Variants in IL18R1 observed in about 807,000 individuals in gnomAD.
IL18R1 encodes interleukin-18 receptor 1.
Under a neutral mutation model 48.5 loss-of-function variants are expected in IL18R1, and 40 were observed. The observed-to-expected ratio is 0.82, with a 90% CI of 0.64 to 1.07. The LOEUF is 1.07. Ranked by LOEUF, IL18R1 falls within the 50% of genes least tolerant of loss-of-function variation. The pLI, the probability that IL18R1 is intolerant of heterozygous loss-of-function variation, is 0.00. For missense variants in IL18R1, 596 were observed against 633.7 expected, an observed-to-expected ratio of 0.94 and a Z score of 0.64; for synonymous variants, 232 against 225.9, an observed-to-expected ratio of 1.03 and a Z score of -0.24.
chr2:102,371,063 G>A (rs1177801945), intron 3 of IL18R1, among the ~76,000 whole-genome samples: 2 of 149,302 alleles, frequency 1.3e-5, no homozygotes, highest in Non-Finnish European at 3.0e-5. Flanking sequence ...TGTTGTTGTT[G>A]TTGTTTTTTT....
At chr2:102,372,208 T>C (rs754650932) in intron 4 of IL18R1, 90 bp downstream of exon 4, 3 of 1,081,746 alleles carry the variant, frequency 2.8e-6, no homozygotes, top group Non-Finnish European at 4.0e-6. Context: ...TCTGGTCTCA[T>C]AACAAATAAG....
chr2:102,389,048 G>A (rs1288523732), intron 8 of IL18R1, among the ~76,000 whole-genome samples: 1 of 151,868 alleles, frequency 6.6e-6, no homozygotes, highest in Admixed American at 6.6e-5. Flanking sequence ...AAATGTATAT[G>A]CATATACATA....
chr2:102,359,234 C>A (rs1678435893), intron 1 of IL18R1, among the ~76,000 whole-genome samples: 1 of 151,926 alleles, frequency 6.6e-6, no homozygotes, highest in South Asian at 2.1e-4. Context: ...ATCTTCATGT[C>A]AATCAAGAAA....
rs1680884549 is a variant in IL18R1, at chr2:102,397,492, C to T, written c.*606C>T. The T allele has an allele frequency of 6.6e-6, 1 of 152,320 alleles. No individual in the cohort carries two copies. The highest frequency in any genetic ancestry group is 2.4e-5 in the African/African-American group (1 of 41,412). 9.4% of individuals were successfully genotyped at this position (152,320 alleles called of 1,614,324 possible). ...ACGGTTCTTGAAAGCTCGGTAAGGC[C>T]CTGCAACGCAGAGCCTGCTTATGTG... On this transcript the variant is annotated 3_prime_UTR_variant, in exon 11 of 11. Coordinates refer to ENST00000233957, the MANE Select transcript of IL18R1 (RefSeq NM_003855.5).
In IL18R1 at chr2:102,396,860, G is replaced by A. The variant is rs1223088596; in HGVS notation, c.1600G>A (p.Val534Ile). 1 of 1,597,948 alleles carries A rather than the reference G, an allele frequency of 6.3e-7. No individual in the cohort carries two copies. Among genetic ancestry groups the A allele is most frequent in the Non-Finnish European group, 8.5e-7 (1 of 1,174,776 alleles). ...CAAGCCAGGTAGAGACGAACCGGAA[G>A]TCTTGCCTGTTCTTTCCGAGTCTTA... ...TVKPGRDEPE[V>I]LPVLSES The change falls in exon 11 of 11, where the codon GTC becomes ATC. Residue 534 changes from valine to isoleucine, a missense_variant. Val to Ile is a conservative substitution (Grantham distance 29). This residue lies in a region of IL18R1 where 179 missense variants were observed against 206.1 expected (regional missense o/e 0.87). Coordinates refer to ENST00000233957, the MANE Select transcript of IL18R1 (RefSeq NM_003855.5).
chr2:102,381,658 C>T lies in IL18R1; in HGVS notation c.664C>T (p.Leu222Phe). Reference sequence around the variant, plus strand: ...AGTTCCGGTTCTTCTTGGACCAAAGCTTAACCATGTTGCAGTGGAATTAGG... The same window carrying T: ...AGTTCCGGTTCTTCTTGGACCAAAGTTTAACCATGTTGCAGTGGAATTAGG... ...NIVPVLLGPK[L>F]NHVAVELGKN... is the part of the protein sequence containing the mutation. The change falls in exon 6 of 11, where the codon CTT (leucine) becomes TTT (phenylalanine). Residue 222 changes from leucine (L) to phenylalanine (F), a missense_variant. Physicochemically the swap from Leu to Phe is conservative, Grantham distance 22. Transcript: ENST00000233957. The T allele has an allele frequency of 6.2e-7, 1 of 1,612,750 alleles. No individual in the cohort carries two copies. Among genetic ancestry groups the T allele is most frequent in the Non-Finnish European group, 8.5e-7 (1 of 1,178,798 alleles).
At chr2:102,386,578 T>A (rs547924990) in intron 7 of IL18R1, among the ~76,000 whole-genome samples, 2 of 152,300 alleles carry the variant, frequency 1.3e-5, no homozygotes, top group African/African-American at 2.4e-5. Context: ...GAGAGAATAT[T>A]TTCTTATATT....
chr2:102,360,548 C>G (rs748150626), intron 1 of IL18R1, among the ~76,000 whole-genome samples: 5 of 152,178 alleles, frequency 3.3e-5, no homozygotes, highest in Non-Finnish European at 7.3e-5. Flanking sequence ...CAGGCATGAG[C>G]CACTGTGCCC....
At chr2:102,387,678 C>G (rs1158538470) in intron 8 of IL18R1, among the ~76,000 whole-genome samples, 3 of 152,160 alleles carry the variant, frequency 2.0e-5, no homozygotes, top group Non-Finnish European at 4.4e-5. Context: ...CATTCCCAGG[C>G]TCCACCATCA....
intron 10 of IL18R1, among the ~76,000 whole-genome samples, chr2:102,395,311 T>C (rs1289058750): frequency 6.6e-6 from 1 of 151,888 alleles, no homozygotes; most frequent in East Asian, 1.9e-4. Context: ...ACATTTAAAA[T>C]CTGGTGTCAA....
chr2:102,371,960 A>C lies in IL18R1; in HGVS notation c.310A>C (p.Thr104Pro). 1 of 1,526,816 alleles carries C rather than the reference A, an allele frequency of 6.5e-7. No homozygotes were observed. Among genetic ancestry groups the C allele is most frequent in the Non-Finnish European group, 8.9e-7 (1 of 1,119,244 alleles). 94.6% of individuals were successfully genotyped at this position (1,526,816 alleles called of 1,614,324 possible). Reference protein sequence around the residue: ...GSYFFQMKNYTQKWKLNVIRR... With the variant: ...GSYFFQMKNYPQKWKLNVIRR... ...TACACTTTTATTCCATAGAAATTATACTCAGAAATGGAAATTAAATGTCAT... is the reference window on the plus strand; with the variant it reads ...TACACTTTTATTCCATAGAAATTATCCTCAGAAATGGAAATTAAATGTCAT... The change falls in exon 4 of 11, where the codon ACT becomes CCT. Residue 104 changes from threonine (T) to proline (P), a missense_variant. This residue lies in a region of IL18R1 where 360 missense variants were observed against 339.4 expected (regional missense o/e 1.06). Coordinates refer to ENST00000233957, the MANE Select transcript of IL18R1 (RefSeq NM_003855.5).
chr2:102,370,681 C>T (rs958106378), intron 3 of IL18R1, among the ~76,000 whole-genome samples: 9 of 152,248 alleles, frequency 5.9e-5, no homozygotes, highest in African/African-American at 2.2e-4. Flanking sequence ...ATCCTGGCCC[C>T]ATCTTGTAGC....
chr2:102,368,434 A>G (rs1679041052), intron 3 of IL18R1, among the ~76,000 whole-genome samples: 1 of 152,192 alleles, frequency 6.6e-6, no homozygotes, highest in Non-Finnish European at 1.5e-5. Flanking sequence ...TGTGTTGCGA[A>G]TGGGGCAGTG....
intron 3 of IL18R1, among the ~76,000 whole-genome samples, chr2:102,369,330 G>T (rs1190664903): frequency 6.6e-6 from 1 of 152,238 alleles, no homozygotes; most frequent in Non-Finnish European, 1.5e-5. Context: ...AGAAGCAAAT[G>T]GCATTGGCCA....
At chr2:102,384,489 C>A (rs771960455) in intron 6 of IL18R1, among the ~76,000 whole-genome samples, 2 of 152,134 alleles carry the variant, frequency 1.3e-5, no homozygotes, top group Admixed American at 1.3e-4. Context: ...AAAAATTTCT[C>A]TTTATTTTCT....
Position 102,384,989 on chromosome 2 carries a change from T to G in IL18R1, c.800T>G (p.Met267Arg). Reference protein sequence around the residue: ...SDPNIHEEKEMRIMTPEGKWH... With the variant: ...SDPNIHEEKERRIMTPEGKWH... ...CCTAATATACATGAAGAGAAAGAAA[T>G]GAGAATTATGTATGTATGTGTAATA... Residue 267 changes from methionine (M) to arginine (R), a missense_variant, in exon 7 of 11, where the codon ATG becomes AGG. Coordinates refer to ENST00000233957, the MANE Select transcript of IL18R1 (RefSeq NM_003855.5). The G allele has an allele frequency of 6.5e-7, 1 of 1,545,288 alleles. No homozygotes were observed. The highest frequency in any genetic ancestry group is 8.9e-7 in the Non-Finnish European group (1 of 1,118,696).
At chr2:102,381,411 A>T (rs1679909742) in intron 5 of IL18R1, among the ~76,000 whole-genome samples, 1 of 152,210 alleles carries the variant, frequency 6.6e-6, no homozygotes, top group Non-Finnish European at 1.5e-5. Context: ...TGAATTGAGC[A>T]GAAGCTGCAG....
chr2:102,395,677 C>T (rs747276344), intron 10 of IL18R1, among the ~76,000 whole-genome samples: 32 of 152,030 alleles, frequency 2.1e-4, no homozygotes, highest in Non-Finnish European at 3.1e-4. Context: ...ACTATATTTC[C>T]GTTATTTTCT....
chr2:102,389,675 G>GCT (rs1335708338), intron 8 of IL18R1, among the ~76,000 whole-genome samples: 2 of 152,088 alleles, frequency 1.3e-5, no homozygotes, highest in Admixed American at 1.3e-4. Flanking sequence ...TCAATCCAGT[G>GCT]CTCTCTCTCT....
Sources: allele counts gnomAD v4.1 joint callset (sites outside exome capture counted in the v4.1 genomes callset), GRCh38; gene constraint gnomAD v4.1.1; regional missense constraint gnomAD v4.1.1; transcripts MANE v1.5; gene names NCBI Gene and HGNC (gene_info 2026-07-23, HGNC 2026-07-21).